Variants in NFXL1 observed in about 807,000 individuals in gnomAD.
The protein encoded by NFXL1 is nuclear transcription factor, X-box binding like 1.
A neutral mutation model predicts 123.3 loss-of-function variants in NFXL1; 66 were observed. The ratio of observed to expected loss-of-function variants is 0.54; its 90% CI spans 0.44 to 0.66. The LOEUF (loss-of-function observed/expected upper bound fraction) is 0.66, where lower values mean the gene tolerates loss of function less well. Among genes scored for constraint, NFXL1 ranks in the 30% least tolerant of loss-of-function variants. The pLI, the probability that NFXL1 is intolerant of heterozygous loss-of-function variation, is 0.00. For synonymous variants in NFXL1, 346 were observed against 360.8 expected (o/e 0.96, Z 0.46); for missense variants, 944 against 1,125.6 (o/e 0.84, Z 2.31).
At chr4:47,876,847 T>C (rs1466037419) in intron 17 of NFXL1, among the ~76,000 whole-genome samples, 2 of 152,110 alleles carry the variant, frequency 1.3e-5, no homozygotes, top group African/African-American at 4.8e-5. Flanking sequence ...AACAGGATTT[T>C]CTGTGGGAAA....
intron 18 of NFXL1, among the ~76,000 whole-genome samples, chr4:47,868,573 A>C (rs1253374941): frequency 6.7e-6 from 1 of 148,796 alleles, no homozygotes. Context: ...AAAACGTACA[A>C]AAAAAAAAAG....
rs781632472 is a variant in NFXL1, at chr4:47,851,457, CTT to C, written c.2509-311_2509-310del. On this transcript the variant is annotated intron_variant, in intron 21 of 22. Coordinates refer to ENST00000507489, the MANE Select transcript of NFXL1 (RefSeq NM_001278624.2). ...AAATTTTAAAACTGCCTTTTTTCCT[CTT>C]GAGTTGCTGTATTAAGAATCTAGAA... Among the ~76,000 whole-genome samples, 87 of 152,122 alleles carry C rather than the reference CTT, an allele frequency of 5.7e-4. 1 individual carries two copies. Among genetic ancestry groups the C allele is most frequent in the Admixed American group, 3.5e-3 (53 of 15,274 alleles).
chr4:47,871,078 T>C (rs1233779223), intron 18 of NFXL1, among the ~76,000 whole-genome samples: 1 of 152,216 alleles, frequency 6.6e-6, no homozygotes. Context: ...GGCAAGTTTT[T>C]ATTTGTTTTG....
At chr4:47,898,883 C>G (rs750194402) in intron 7 of NFXL1, 26 bp from the exon 8 acceptor site, 2 of 1,610,608 alleles carry the variant, frequency 1.2e-6, no homozygotes, top group Admixed American at 3.3e-5. Context: ...TAAATTAGCA[C>G]AGAAACATAA....
chr4:47,857,839 C>T (rs571720809), intron 19 of NFXL1, among the ~76,000 whole-genome samples: 62 of 152,210 alleles, frequency 4.1e-4, no homozygotes, highest in African/African-American at 1.5e-3. Context: ...CTTAAAAGAG[C>T]GAGATGGTGG....
At chr4:47,911,035 C>G (rs868225836) in intron 2 of NFXL1, 41 bp from the exon 3 acceptor site, 2 of 1,268,800 alleles carry the variant, frequency 1.6e-6, no homozygotes, top group Non-Finnish European at 2.2e-6. Flanking sequence ...AAAACAATCT[C>G]TCAAAAAGAA....
chr4:47,851,362 T>C (rs1292859655), intron 21 of NFXL1, among the ~76,000 whole-genome samples: 2 of 152,142 alleles, frequency 1.3e-5, no homozygotes, highest in Admixed American at 1.3e-4. Context: ...ATACCTTATA[T>C]GAGCATCTCA....
chr4:47,860,031 T>A (rs1359350860), intron 19 of NFXL1, among the ~76,000 whole-genome samples: 1 of 152,032 alleles, frequency 6.6e-6, no homozygotes, highest in Admixed American at 6.6e-5. Context: ...AAATTTCAGT[T>A]AGATATGAGG....
In NFXL1 at chr4:47,885,668, A is replaced by G; in HGVS notation, c.1665-11T>C. The G allele has an allele frequency of 6.2e-7, 1 of 1,608,714 alleles. No individual in the cohort carries two copies. Among genetic ancestry groups the G allele is most frequent in the Non-Finnish European group, 8.5e-7 (1 of 1,176,096 alleles). Reference sequence around the variant, plus strand: ...CAAGTTGGTGGTCGACTAAATCATAAAGTACAATTTTCAAAAATTACTTTT... The same window carrying G: ...CAAGTTGGTGGTCGACTAAATCATAGAGTACAATTTTCAAAAATTACTTTT... On this transcript the variant is annotated splice_polypyrimidine_tract_variant and intron_variant, in intron 13 of 22. Transcript: ENST00000507489.
intron 5 of NFXL1, 22 bp from the exon 6 acceptor site, chr4:47,899,570 T>C (rs563110853): frequency 3.3e-6 from 5 of 1,527,836 alleles, no homozygotes; most frequent in East Asian, 2.3e-5. Context: ...AAGAAAATTA[T>C]TAAAGCTAAC....
At chr4:47,897,313 T>TA (rs1351341066) in intron 9 of NFXL1, among the ~76,000 whole-genome samples, 2 of 152,056 alleles carry the variant, frequency 1.3e-5, no homozygotes, top group Admixed American at 1.3e-4. Context: ...CCACCTCTCT[T>TA]AAAAAACTGT....
intron 18 of NFXL1, among the ~76,000 whole-genome samples, chr4:47,870,804 A>G (rs1735384601): frequency 6.6e-6 from 1 of 152,164 alleles, no homozygotes; most frequent in Non-Finnish European, 1.5e-5. Flanking sequence ...AAAGTACAAG[A>G]TGAGCCTGGG....
chr4:47,890,709 G>C lies in NFXL1; in HGVS notation c.1453-6C>G. 6.4e-7 allele frequency: 1 copy of C among 1,560,008 alleles called. No homozygotes were observed. Among genetic ancestry groups the C allele is most frequent in the Non-Finnish European group, 8.8e-7 (1 of 1,131,552 alleles). On this transcript the variant is annotated splice_region_variant and splice_polypyrimidine_tract_variant and intron_variant, in intron 11 of 22. Transcript: ENST00000507489. ...GGACAGTTTCCAGGGCAACACTGAA[G>C]AGAAAGCAATATATAAAGAACAGGT...
rs557442181 is a variant in NFXL1, at chr4:47,901,570, C to T, written c.647+1623G>A. Among the ~76,000 whole-genome samples the T allele has an allele frequency of 1.9e-3, 292 of 152,002 alleles. 1 individual carries two copies. Among genetic ancestry groups the T allele is most frequent in the Non-Finnish European group, 3.1e-3 (210 of 67,986 alleles). On this transcript the variant is annotated intron_variant, in intron 5 of 22. Coordinates refer to ENST00000507489, the MANE Select transcript of NFXL1 (RefSeq NM_001278624.2). ...ACCACCAGTAAATAATATGCAGGAG[C>T]AAAACAAATATACTTTGAAATGTTA...
intron 15 of NFXL1, among the ~76,000 whole-genome samples, chr4:47,880,715 G>A (rs1207773550): frequency 6.8e-6 from 1 of 146,716 alleles, no homozygotes; most frequent in Non-Finnish European, 1.5e-5. Context: ...CTGTTATTGT[G>A]ATCCGTAATC....
At chr4:47,890,904 A>C (rs576222038) in intron 11 of NFXL1, among the ~76,000 whole-genome samples, 1 of 152,236 alleles carries the variant, frequency 6.6e-6, no homozygotes, top group African/African-American at 2.4e-5. Context: ...AATCAAGCTA[A>C]ATTTTCCTGA....
intron 4 of NFXL1, 69 bp from the exon 5 acceptor site, chr4:47,903,392 G>A (rs1737431209): frequency 2.8e-6 from 3 of 1,086,572 alleles, no homozygotes; most frequent in Non-Finnish European, 3.7e-6. Context: ...AATTTAAAAT[G>A]AGTATCACAC....
chr4:47,852,753 G>A (rs1014745753), intron 20 of NFXL1, among the ~76,000 whole-genome samples: 14 of 151,952 alleles, frequency 9.2e-5, no homozygotes. Flanking sequence ...GCCTTTTGTA[G>A]TACATCTATC....
intron 12 of NFXL1, 89 bp downstream of exon 12, chr4:47,890,524 T>C (rs1736702117): frequency 2.8e-6 from 2 of 722,906 alleles, no homozygotes; most frequent in Admixed American, 2.5e-5. Flanking sequence ...TAAAACGCTA[T>C]TTCAATACAT....
Sources: gnomAD v4.1 joint callset for allele counts (sites outside exome capture counted in the v4.1 genomes callset) on GRCh38, gnomAD v4.1.1 for gene constraint, MANE v1.5 for transcripts, NCBI Gene and HGNC (gene_info 2026-07-23, HGNC 2026-07-21) for gene names.